The following CD86 variants were observed in gnomAD, a reference collection of about 807,000 sequenced individuals.
The protein encoded by CD86 is CD86 molecule.
In CD86, 11 loss-of-function variants were observed where a neutral mutation model predicts 32.1. The ratio of observed to expected loss-of-function variants is 0.34; its 90% confidence interval spans 0.22 to 0.57. The LOEUF is 0.57. CD86 is among the 20% of genes least tolerant of loss of function. The pLI, the probability that CD86 is intolerant of heterozygous loss-of-function variation, is 0.86. For missense variants in CD86, 359 were observed against 398.4 expected (o/e 0.90, Z 0.84); for synonymous variants, 137 against 135.3 (o/e 1.01, Z -0.09).
intron 1 of CD86, among the ~76,000 whole-genome samples, chr3:122,059,605 A>G (rs891129256): frequency 2.0e-5 from 3 of 152,082 alleles, no homozygotes; most frequent in African/African-American, 4.8e-5. Context: ...GCATTCATGG[A>G]AAGAGCATAT....
chr3:122,106,694 G>A (rs913274794), intron 4 of CD86, among the ~76,000 whole-genome samples, 194 bp downstream of exon 4: 4 of 152,240 alleles, frequency 2.6e-5, no homozygotes, highest in African/African-American at 9.6e-5. Flanking sequence ...AGCCTATGTT[G>A]CACTTGAAGA....
chr3:122,091,936 C>T, intron 2 of CD86: 1 of 348,600 alleles, frequency 2.9e-6, no homozygotes, highest in Non-Finnish European at 5.3e-6. Context: ...CCTGGCCCAT[C>T]CCATGGGGAT....
intron 5 of CD86, among the ~76,000 whole-genome samples, chr3:122,115,092 A>G (rs1169454516): frequency 6.6e-6 from 1 of 152,206 alleles, no homozygotes; most frequent in Non-Finnish European, 1.5e-5. Flanking sequence ...TTTTTCACAG[A>G]TAATGATCAT....
intron 1 of CD86, among the ~76,000 whole-genome samples, chr3:122,082,694 A>G (rs1410969711): frequency 6.6e-6 from 1 of 152,220 alleles, no homozygotes; most frequent in Non-Finnish European, 1.5e-5. Flanking sequence ...TTGTTATTTC[A>G]AAACTGAAGT....
chr3:122,103,239 C>T (rs2073037959), intron 2 of CD86, among the ~76,000 whole-genome samples: 2 of 151,936 alleles, frequency 1.3e-5, no homozygotes, highest in African/African-American at 2.4e-5. Context: ...ACCCTTGGAA[C>T]ATTTAGTCAA....
chr3:122,102,053 C>T (rs1022848977), intron 2 of CD86, among the ~76,000 whole-genome samples: 1 of 152,124 alleles, frequency 6.6e-6, no homozygotes, highest in African/African-American at 2.4e-5. Flanking sequence ...GAGTTCAAGA[C>T]CACCACCAAC....
At position 122,109,268 on chromosome 3, in the gene CD86, T is replaced by C. The variant is rs144906621; in HGVS notation, c.707T>C (p.Leu236Pro). Residue 236 changes from leucine to proline, a missense_variant, in exon 5 of 7, where the codon CTT (leucine) becomes CCT (proline). Leu to Pro is a moderately conservative substitution (Grantham distance 98). Coordinates refer to ENST00000330540, the MANE Select transcript of CD86 (RefSeq NM_175862.5). The part of the protein sequence containing the change: ...RLLSSPFSIE[L>P]EDPQPPPDHI... ...GAAAATTTGTGGTCATTTGTAGAGC[T>C]TGAGGACCCTCAGCCTCCCCCAGAC... 5.5e-5 allele frequency: 89 copies of C among 1,612,960 alleles called. No individual in the cohort carries two copies. The African/African-American group carries it at 1.1e-3, about 21-fold the overall frequency.
At chr3:122,076,607 G>A (rs984291567) in intron 1 of CD86, among the ~76,000 whole-genome samples, 1 of 152,190 alleles carries the variant, frequency 6.6e-6, no homozygotes, top group African/African-American at 2.4e-5. Context: ...CTGTGGGTTT[G>A]AGAAGCCCTG....
At chr3:122,066,978 C>T (rs2072422590) in intron 1 of CD86, among the ~76,000 whole-genome samples, 1 of 151,874 alleles carries the variant, frequency 6.6e-6, no homozygotes, top group Non-Finnish European at 1.5e-5. Flanking sequence ...TAGAGAATTG[C>T]AGTAGAGAAA....
chr3:122,119,737 C>T lies in CD86; in HGVS notation c.*203C>T, dbSNP rs547996346. The T allele has an allele frequency of 1.2e-4, 62 of 519,680 alleles. No homozygotes were observed. In the Admixed American group the frequency reaches 2.0e-3, roughly 17 times the overall value. The allele number at this position is 519,680 out of a possible 1,614,324, so 32.2% of individuals were successfully genotyped here. On this transcript the variant is annotated 3_prime_UTR_variant, in exon 7 of 7. Transcript: ENST00000330540. The stretch of plus-strand genomic sequence containing the variant: ...CCAAGAGGAGACTTTAATTCTCTTA[C>T]TGCTTCTTTTCACTTCAGAGCACAC...
intron 1 of CD86, among the ~76,000 whole-genome samples, chr3:122,067,403 AG>A (rs1182049773): frequency 6.6e-6 from 1 of 152,242 alleles, no homozygotes; most frequent in Non-Finnish European, 1.5e-5. Flanking sequence ...GTGGATGGTG[AG>A]GAAGAAAGAA....
At chr3:122,069,674 G>C (rs2072462744) in intron 1 of CD86, among the ~76,000 whole-genome samples, 1 of 152,118 alleles carries the variant, frequency 6.6e-6, no homozygotes, top group African/African-American at 2.4e-5. Flanking sequence ...TGTGGTCCAG[G>C]TTACCCCTGG....
chr3:122,084,360 G>T (rs112593922), intron 1 of CD86, among the ~76,000 whole-genome samples: 6,550 of 152,274 alleles, frequency 0.043, 191 homozygotes, highest in South Asian at 0.073. Flanking sequence ...AGGCCACATA[G>T]AAAATGTTTT....
intron 1 of CD86, among the ~76,000 whole-genome samples, chr3:122,087,690 G>C (rs978158734): frequency 6.6e-6 from 1 of 152,158 alleles, no homozygotes; most frequent in Non-Finnish European, 1.5e-5. Flanking sequence ...CATTAGTGAA[G>C]CTTACTGGAA....
At chr3:122,067,797 A>G (rs1454288862) in intron 1 of CD86, among the ~76,000 whole-genome samples, 1 of 152,226 alleles carries the variant, frequency 6.6e-6, no homozygotes, top group East Asian at 1.9e-4. Flanking sequence ...GCTGAAGAGT[A>G]GAAAGATTGA....
chr3:122,069,044 C>T (rs2072453497), intron 1 of CD86, among the ~76,000 whole-genome samples: 2 of 152,152 alleles, frequency 1.3e-5, no homozygotes. Context: ...CTACCTCATG[C>T]TCTTAAGATG....
At chr3:122,089,367 T>G (rs1318915502) in intron 1 of CD86, among the ~76,000 whole-genome samples, 1 of 152,234 alleles carries the variant, frequency 6.6e-6, no homozygotes, top group Non-Finnish European at 1.5e-5. Flanking sequence ...ACTTATGAGA[T>G]CTAATTTCAC....
At position 122,109,416 on chromosome 3, in the gene CD86, A is replaced by G. The variant is rs2073139787; in HGVS notation, c.847+8A>G. 6.2e-7 allele frequency: 1 copy of G among 1,613,952 alleles called. No homozygotes were observed. Among genetic ancestry groups the G allele is most frequent in the Non-Finnish European group, 8.5e-7 (1 of 1,179,822 alleles). ...GCAACTCTTATAAATGTGGTGAGTG[A>G]GTCCTTGTCCTCCCCACAGACTGTC... On this transcript the variant is annotated splice_region_variant and intron_variant, in intron 5 of 6. Transcript: ENST00000330540.
intron 3 of CD86, among the ~76,000 whole-genome samples, chr3:122,104,325 A>T (rs1335084560): frequency 6.6e-6 from 1 of 152,124 alleles, no homozygotes. Context: ...TAGGTTGCTT[A>T]TGAGTTGTTT....
Sources: allele counts gnomAD v4.1 joint callset (sites outside exome capture counted in the v4.1 genomes callset), GRCh38; gene constraint gnomAD v4.1.1; transcripts MANE v1.5; gene names NCBI Gene and HGNC (gene_info 2026-07-23, HGNC 2026-07-21).